FRMD4A: variants seen among roughly 807,000 people sequenced by gnomAD.
The protein encoded by FRMD4A is FERM domain-containing protein 4A.
FRMD4A carries 29 observed loss-of-function variants against 129.1 expected under a neutral mutation model. The observed-to-expected ratio is 0.22, with a 90% CI of 0.17 to 0.31. The LOEUF is 0.31. Among genes scored for constraint, FRMD4A ranks in the 10% least tolerant of loss-of-function variants. The pLI is 1.00. For missense variants in FRMD4A, 1,272 were observed against 1,375.8 expected (o/e 0.92, Z 1.19); for synonymous variants, 634 against 571.6 (o/e 1.11, Z -1.56).
At chr10:13,964,232 C>G (rs1375864724) in intron 2 of FRMD4A, among the ~76,000 whole-genome samples, 1 of 151,650 alleles carries the variant, frequency 6.6e-6, no homozygotes, top group Non-Finnish European at 1.5e-5. Context: ...CAAAAAACAT[C>G]AAACAAACAA....
At chr10:14,239,747 A>T (rs1235592004) in intron 2 of FRMD4A, among the ~76,000 whole-genome samples, 1 of 152,244 alleles carries the variant, frequency 6.6e-6, no homozygotes, top group Non-Finnish European at 1.5e-5. Context: ...CTGACTGTTG[A>T]GATTGCACAG....
At chr10:13,686,361 A>G (rs2085082788) in intron 15 of FRMD4A, among the ~76,000 whole-genome samples, 1 of 152,268 alleles carries the variant, frequency 6.6e-6, no homozygotes, top group South Asian at 2.1e-4. Context: ...AGCCGCCATC[A>G]TGACGCTGAC....
chr10:13,688,563 T>C (rs1375354484), intron 15 of FRMD4A, among the ~76,000 whole-genome samples: 2 of 151,634 alleles, frequency 1.3e-5, no homozygotes, highest in Admixed American at 1.3e-4. Flanking sequence ...AATTAAAAAA[T>C]TTACTATTAA....
chr10:14,014,792 T>G (rs535939751), intron 2 of FRMD4A, among the ~76,000 whole-genome samples: 1 of 152,364 alleles, frequency 6.6e-6, no homozygotes, highest in Non-Finnish European at 1.5e-5. Flanking sequence ...TCTGACACAG[T>G]GCGCTGTTTG....
rs186948568 is a variant in FRMD4A, at chr10:14,224,130, C to T, written c.45+105928G>A. ...CCCCATCTGATGGAAAGAACTAGCT[C>T]CTCTTTCAAATCCGTGCCTCTTCTC... On this transcript the variant is annotated intron_variant, in intron 2 of 24. Transcript: ENST00000357447. 2.2e-3 allele frequency among the ~76,000 whole-genome samples: 339 copies of T among 152,334 alleles called. 1 individual carries two copies. Among genetic ancestry groups the T allele is most frequent in the Non-Finnish European group, 2.7e-3 (183 of 68,038 alleles).
rs539708628 is a variant in FRMD4A, at chr10:13,821,953, G to A, written c.112-11045C>T. 5.3e-5 allele frequency among the ~76,000 whole-genome samples: 8 copies of A among 152,212 alleles called. No individual in the cohort carries two copies. The South Asian group carries it at 1.7e-3, about 32-fold the overall frequency. ...TTGCCCCCGCTAATGTTACACTTAG[G>A]GGACAGAGCAGGTCTCGAAGATCCG... On this transcript the variant is annotated intron_variant, in intron 3 of 24. Coordinates refer to ENST00000357447, the MANE Select transcript of FRMD4A (RefSeq NM_018027.5). This position sits in a 1 kb window ranked among gnomAD's most constrained non-coding sequence, Gnocchi z 4.3.
At chr10:14,287,375 G>C (rs1285136296) in intron 2 of FRMD4A, among the ~76,000 whole-genome samples, 2 of 152,172 alleles carry the variant, frequency 1.3e-5, no homozygotes, top group Non-Finnish European at 2.9e-5. Context: ...ATCCTCTCAT[G>C]TTAGCATTGA....
At chr10:13,916,189 A>G (rs1427407625) in intron 2 of FRMD4A, among the ~76,000 whole-genome samples, 1 of 152,116 alleles carries the variant, frequency 6.6e-6, no homozygotes, top group Non-Finnish European at 1.5e-5. Context: ...TTTAGGTTTC[A>G]TTCTCTCTTC....
intron 2 of FRMD4A, among the ~76,000 whole-genome samples, chr10:14,107,580 T>A (rs1408672469): frequency 6.6e-6 from 1 of 152,238 alleles, no homozygotes; most frequent in African/African-American, 2.4e-5. Context: ...CTTTGCTGCA[T>A]CATTTTTCCT....
intron 2 of FRMD4A, among the ~76,000 whole-genome samples, chr10:13,953,360 C>G (rs973141772): frequency 1.3e-5 from 2 of 152,164 alleles, no homozygotes; most frequent in Non-Finnish European, 2.9e-5. Flanking sequence ...ATACCATAGT[C>G]CCCCATTATC....
chr10:13,993,672 T>C (rs1027525676), intron 2 of FRMD4A, among the ~76,000 whole-genome samples: 53 of 152,328 alleles, frequency 3.5e-4, no homozygotes, highest in Admixed American at 2.9e-3. Flanking sequence ...TATCAGGCAA[T>C]AATTAGACCA....
chr10:13,816,801 G>A (rs1336897247), intron 3 of FRMD4A, among the ~76,000 whole-genome samples: 2 of 152,204 alleles, frequency 1.3e-5, no homozygotes, highest in Admixed American at 6.5e-5. Context: ...AGGCCAGAAA[G>A]GCAGCTAGTA....
At chr10:14,162,201 G>T (rs1020923777) in intron 2 of FRMD4A, among the ~76,000 whole-genome samples, 1 of 151,978 alleles carries the variant, frequency 6.6e-6, no homozygotes, top group African/African-American at 2.4e-5. Flanking sequence ...CATTTCAAGG[G>T]CTCGATAGTC....
At chr10:13,975,033 G>A (rs2095536632) in intron 2 of FRMD4A, among the ~76,000 whole-genome samples, 2 of 151,814 alleles carry the variant, frequency 1.3e-5, no homozygotes, top group African/African-American at 4.8e-5. Flanking sequence ...GCGTGTCTGA[G>A]TATGCATGTG....
At chr10:13,957,399 A>G (rs1211650900) in intron 2 of FRMD4A, among the ~76,000 whole-genome samples, 1 of 152,056 alleles carries the variant, frequency 6.6e-6, no homozygotes, top group Non-Finnish European at 1.5e-5. Flanking sequence ...GACTACAGGC[A>G]TGCACCACCA....
In FRMD4A at chr10:13,675,254, A is replaced by G. The variant is rs561923839; in HGVS notation, c.1118-210T>C. Among the ~76,000 whole-genome samples, 5 of 152,374 alleles carry G rather than the reference A, an allele frequency of 3.3e-5. No individual in the cohort carries two copies. The East Asian group carries it at 9.6e-4, about 29-fold the overall frequency. The stretch of plus-strand genomic sequence containing the variant: ...ATAGCCAGTCACAAGAAATGGCAGG[A>G]AGATGGACCCTCCTGAAAAAGAAGT... On this transcript the variant is annotated intron_variant, in intron 15 of 24. Transcript: ENST00000357447.
At chr10:13,962,982 A>C (rs1210220794) in intron 2 of FRMD4A, among the ~76,000 whole-genome samples, 2 of 152,256 alleles carry the variant, frequency 1.3e-5, no homozygotes, top group Non-Finnish European at 2.9e-5. Flanking sequence ...GGTTGTTTGC[A>C]AATACTGTCC....
At chr10:13,823,345 G>A (rs1359555812) in intron 3 of FRMD4A, among the ~76,000 whole-genome samples, 3 of 152,152 alleles carry the variant, frequency 2.0e-5, no homozygotes. Flanking sequence ...ATGTCACCAG[G>A]ACTGTGAGTC....
intron 3 of FRMD4A, among the ~76,000 whole-genome samples, chr10:13,834,379 G>A (rs1172103767): frequency 1.3e-5 from 2 of 152,012 alleles, no homozygotes. Flanking sequence ...CTAAGAAACC[G>A]GTCTCTGGAC....
Sources: gnomAD v4.1 joint callset for allele counts (sites outside exome capture counted in the v4.1 genomes callset) on GRCh38, gnomAD v4.1.1 for gene constraint, Gnocchi (gnomAD v3.1) non-coding constraint, MANE v1.5 for transcripts, NCBI Gene and HGNC (gene_info 2026-07-23, HGNC 2026-07-21) for gene names.